OTUD7B: variants seen among roughly 807,000 people sequenced by gnomAD.
OTUD7B encodes the protein OTU deubiquitinase 7B, also known as OTU domain-containing protein 7B.
OTUD7B carries 34 observed loss-of-function variants against 82.2 expected under a neutral mutation model. That is an observed-to-expected ratio of 0.41 (90% CI 0.31 to 0.55). The LOEUF (loss-of-function observed/expected upper bound fraction) is 0.55. Among genes scored for constraint, OTUD7B ranks in the 20% least tolerant of loss-of-function variants. The pLI is 0.20. For synonymous variants in OTUD7B, 398 were observed against 402.7 expected, an observed-to-expected ratio of 0.99 and a Z score of 0.14; for missense variants, 944 against 1,062.1, an observed-to-expected ratio of 0.89 and a Z score of 1.55.
chr1:150,022,226 C>T, the OTUD7B span, among the ~76,000 whole-genome samples: 1 of 151,602 alleles, frequency 6.6e-6, no homozygotes, highest in Non-Finnish European at 1.5e-5. Flanking sequence ...GGTGAAACCC[C>T]GTCTCTACTA....
chr1:149,969,708 A>G (rs987801769), intron 3 of OTUD7B, among the ~76,000 whole-genome samples: 1 of 152,128 alleles, frequency 6.6e-6, no homozygotes, highest in Non-Finnish European at 1.5e-5. Flanking sequence ...AAAAAATTAT[A>G]TATTTTTTTA....
the OTUD7B span, among the ~76,000 whole-genome samples, chr1:150,038,846 G>A: frequency 6.6e-6 from 1 of 151,850 alleles, no homozygotes; most frequent in Non-Finnish European, 1.5e-5. Context: ...TATAATTTTT[G>A]TCTGTACATT....
At chr1:150,008,272 A>C (rs756700067) in intron 1 of OTUD7B, among the ~76,000 whole-genome samples, 92 of 152,206 alleles carry the variant, frequency 6.0e-4, no homozygotes, top group Non-Finnish European at 1.2e-3. Flanking sequence ...AGATATCATC[A>C]CTAATATTGG....
chr1:149,960,573 G>A lies in OTUD7B; in HGVS notation c.733-777C>T, dbSNP rs374401809. Among the ~76,000 whole-genome samples the A allele has an allele frequency of 1.5e-3, 227 of 151,060 alleles. 1 individual carries two copies. Among genetic ancestry groups the A allele is most frequent in the African/African-American group, 5.2e-3 (214 of 41,196 alleles). On this transcript the variant is annotated intron_variant, in intron 6 of 11. Coordinates refer to ENST00000581312, the MANE Select transcript of OTUD7B (RefSeq NM_020205.4). ...TAATTTTTGTATTTTTAGTAGAGAC[G>A]GGCTTTCCCCATGTTGGCCAGGCTG...
chr1:150,028,821 C>T, the OTUD7B span, among the ~76,000 whole-genome samples: 55 of 152,312 alleles, frequency 3.6e-4, no homozygotes, highest in South Asian at 6.2e-4. Context: ...CAGGCGTGAG[C>T]CACCACGCCT....
intron 1 of OTUD7B, among the ~76,000 whole-genome samples, chr1:149,990,078 C>G (rs1442433070): frequency 6.6e-6 from 1 of 152,230 alleles, no homozygotes; most frequent in African/African-American, 2.4e-5. Flanking sequence ...CTACCAGGCA[C>G]TGCCATGGGG....
the OTUD7B span, among the ~76,000 whole-genome samples, chr1:150,023,530 T>G: frequency 1.3e-5 from 2 of 152,180 alleles, no homozygotes; most frequent in East Asian, 1.9e-4. Flanking sequence ...GTGAGTCAGG[T>G]ACAGAAAGAC....
the OTUD7B span, among the ~76,000 whole-genome samples, chr1:150,056,966 CAT>C: frequency 9.2e-5 from 14 of 152,228 alleles, no homozygotes; most frequent in South Asian, 2.5e-3. Flanking sequence ...CTCCATATGA[CAT>C]ATGTTAATTA....
intron 1 of OTUD7B, among the ~76,000 whole-genome samples, chr1:149,994,841 A>G (rs1233144746): frequency 2.0e-5 from 3 of 152,154 alleles, no homozygotes; most frequent in African/African-American, 7.2e-5. Context: ...ATTTCTATCA[A>G]AAAAGCATTG....
chr1:149,949,970 T>C (rs1553772971), intron 8 of OTUD7B, 124 bp downstream of exon 8: 8 of 1,402,704 alleles, frequency 5.7e-6, no homozygotes, highest in Middle Eastern at 5.1e-4. Context: ...ACTATTCTAA[T>C]TGATAACTTG....
In OTUD7B at chr1:149,992,467, G is replaced by GTTTTTTTTTTTT. The variant is rs1166098299; in HGVS notation, c.-66-14903_-66-14892dup. Among the ~76,000 whole-genome samples the GTTTTTTTTTTTT allele has an allele frequency of 1.1e-4, 7 of 61,570 alleles. 2 individuals are homozygous for GTTTTTTTTTTTT. The highest frequency in any genetic ancestry group is 1.2e-3 in the East Asian group (2 of 1,714). The allele number at this position is 61,570 out of a possible 152,430, so 40.4% of individuals were successfully genotyped here. A position where few individuals can be genotyped will look rare whatever the true frequency, so the allele number is the denominator to read the frequency against. ...TATCTAAATTGTTTTGTGTGCATGT[G>GTTTTTTTTTTTT]TTTTTTTTTTTTTTTTTTTTTTTTT... On this transcript the variant is annotated intron_variant, in intron 1 of 11. Transcript: ENST00000581312.
intron 5 of OTUD7B, 65 bp downstream of exon 5, chr1:149,965,712 C>T: frequency 8.7e-7 from 1 of 1,151,190 alleles, no homozygotes; most frequent in Non-Finnish European, 1.3e-6. Context: ...TCAAGTCCTA[C>T]ACATGAGATT....
chr1:149,967,241 G>T, intron 4 of OTUD7B, 53 bp downstream of exon 4: 15 of 1,303,200 alleles, frequency 1.2e-5, no homozygotes, highest in Non-Finnish European at 1.5e-5. Flanking sequence ...CCACAAGGCT[G>T]CCTGTAGGTG....
chr1:149,965,423 A>G (rs1462488407), intron 5 of OTUD7B, among the ~76,000 whole-genome samples: 1 of 152,208 alleles, frequency 6.6e-6, no homozygotes, highest in East Asian at 1.9e-4. Context: ...ACTGCTAAAA[A>G]CATACCTTTT....
intron 7 of OTUD7B, among the ~76,000 whole-genome samples, chr1:149,954,257 G>A (rs1553774106): frequency 6.6e-6 from 1 of 152,144 alleles, no homozygotes. Flanking sequence ...TTAGCATGAA[G>A]GGCTGTTGAA....
At position 149,951,771 on chromosome 1, in the gene OTUD7B, A is replaced by G. The variant is rs587722944; in HGVS notation, c.846-1550T>C. Among the ~76,000 whole-genome samples the G allele has an allele frequency of 3.3e-5, 5 of 152,344 alleles. No individual in the cohort carries two copies. In the East Asian group the frequency reaches 7.7e-4, roughly 23 times the overall value. ...ATGTACAATAAAATCTGCATAGGTT[A>G]TAATTTTTAACCATTATGGAAAATT... On this transcript the variant is annotated intron_variant, in intron 7 of 11. Coordinates refer to ENST00000581312, the MANE Select transcript of OTUD7B (RefSeq NM_020205.4).
At chr1:150,060,140 T>C in the OTUD7B span, among the ~76,000 whole-genome samples, 1 of 152,218 alleles carries the variant, frequency 6.6e-6, no homozygotes, top group Non-Finnish European at 1.5e-5. Context: ...TTTCAATGCC[T>C]CATCTCACAT....
At chr1:149,956,012 A>G (rs1447159823) in intron 7 of OTUD7B, among the ~76,000 whole-genome samples, 6 of 152,088 alleles carry the variant, frequency 3.9e-5, no homozygotes, top group Admixed American at 3.3e-4. Context: ...TGTCTTTTTA[A>G]TTGGAGCATT....
the OTUD7B span, among the ~76,000 whole-genome samples, chr1:150,022,556 G>A: frequency 6.6e-6 from 1 of 152,150 alleles, no homozygotes; most frequent in Non-Finnish European, 1.5e-5. Context: ...CACGGCTTCA[G>A]GGTGTGTTTC....
Sources: allele counts gnomAD v4.1 joint callset (sites outside exome capture counted in the v4.1 genomes callset), GRCh38; gene constraint gnomAD v4.1.1; transcripts MANE v1.5; gene names NCBI Gene and HGNC (gene_info 2026-07-23, HGNC 2026-07-21).